SNTG1: variants seen among roughly 807,000 people sequenced by gnomAD.
SNTG1 encodes gamma-1-syntrophin.
Under a neutral mutation model 74.7 loss-of-function variants are expected in SNTG1, and 39 were observed. The ratio of observed to expected loss-of-function variants is 0.52; its 90% confidence interval spans 0.40 to 0.68. SNTG1 has a LOEUF of 0.68. Among genes scored for constraint, SNTG1 ranks in the 30% least tolerant of loss-of-function variants. The pLI is 0.00. For missense variants in SNTG1, 685 were observed against 609.5 expected (o/e 1.12, Z -1.30); for synonymous variants, 254 against 217.1 (o/e 1.17, Z -1.49).
At chr8:50,376,729 T>TTATATA (rs375978893) in intron 2 of SNTG1, among the ~76,000 whole-genome samples, 47 of 100,588 alleles carry the variant, frequency 4.7e-4, no homozygotes, top group African/African-American at 8.3e-4. Context: ...TATTAATAAA[T>TTATATA]TATATATATA....
At chr8:50,264,185 C>A (rs898494856) in intron 2 of SNTG1, among the ~76,000 whole-genome samples, 1 of 151,956 alleles carries the variant, frequency 6.6e-6, no homozygotes, top group Non-Finnish European at 1.5e-5. Context: ...GATAATGTAG[C>A]GTTTACAAAA....
chr8:50,146,892 T>A (rs931600268), intron 1 of SNTG1, among the ~76,000 whole-genome samples: 1 of 152,200 alleles, frequency 6.6e-6, no homozygotes, highest in Non-Finnish European at 1.5e-5. Context: ...GTTTTAAGAT[T>A]TTTTTATACA....
At chr8:50,289,711 A>G (rs532379742) in intron 2 of SNTG1, among the ~76,000 whole-genome samples, 1 of 152,282 alleles carries the variant, frequency 6.6e-6, no homozygotes, top group African/African-American at 2.4e-5. Flanking sequence ...TAAATGAACA[A>G]ATAATAAATG....
At chr8:50,484,092 C>A (rs2093763415) in intron 8 of SNTG1, among the ~76,000 whole-genome samples, 1 of 146,674 alleles carries the variant, frequency 6.8e-6, no homozygotes, top group Non-Finnish European at 1.5e-5. Flanking sequence ...TTCTTTCTCT[C>A]TTTCTTTCTC....
At chr8:50,029,004 T>C (rs1055444411) in intron 1 of SNTG1, among the ~76,000 whole-genome samples, 5 of 152,136 alleles carry the variant, frequency 3.3e-5, no homozygotes, top group African/African-American at 1.2e-4. Flanking sequence ...TTAATAATTC[T>C]TTATGTGTTG....
intron 8 of SNTG1, among the ~76,000 whole-genome samples, chr8:50,465,087 T>C (rs1295232506): frequency 6.6e-6 from 1 of 152,142 alleles, no homozygotes; most frequent in African/African-American, 2.4e-5. Flanking sequence ...TATCTATTCA[T>C]ACACATTTCT....
At chr8:50,169,944 A>G (rs995377382) in intron 1 of SNTG1, among the ~76,000 whole-genome samples, 1 of 152,168 alleles carries the variant, frequency 6.6e-6, no homozygotes, top group Non-Finnish European at 1.5e-5. Context: ...GTGGGACCCC[A>G]TGTGTAAAAT....
intron 1 of SNTG1, among the ~76,000 whole-genome samples, chr8:49,916,509 A>G (rs1397524344): frequency 1.3e-5 from 2 of 152,174 alleles, no homozygotes; most frequent in Non-Finnish European, 2.9e-5. Flanking sequence ...TGTAATGTAC[A>G]TACTTGAAGA....
chr8:49,945,826 C>G (rs1381767678), intron 1 of SNTG1, among the ~76,000 whole-genome samples: 1 of 152,182 alleles, frequency 6.6e-6, no homozygotes, highest in East Asian at 1.9e-4. Flanking sequence ...GGAGCAGGCC[C>G]GGACCCTTTG....
In SNTG1 at chr8:50,710,372, CTGAG is replaced by C. The variant is rs770620589; in HGVS notation, c.1284+1396_1284+1399del. Among the ~76,000 whole-genome samples the C allele has an allele frequency of 2.1e-3, 320 of 151,832 alleles. 1 individual carries two copies. The highest frequency in any genetic ancestry group is 0.017 in the Middle Eastern group (5 of 292). On this transcript the variant is annotated intron_variant, in intron 17 of 18. Transcript: ENST00000642720. ...ATGTTCATCAAATCAAGATAGGCTCCTGAGTATTAAATTAATTTGATAAATTAAT... is the reference window on the plus strand; with the variant it reads ...ATGTTCATCAAATCAAGATAGGCTCCTATTAAATTAATTTGATAAATTAAT...
intron 1 of SNTG1, among the ~76,000 whole-genome samples, chr8:50,073,292 C>G (rs1821536047): frequency 6.6e-6 from 1 of 152,158 alleles, no homozygotes; most frequent in Admixed American, 6.5e-5. Flanking sequence ...AGAAACCACA[C>G]TTTTTTGCTC....
chr8:50,180,364 A>G (rs2083157397), intron 2 of SNTG1, among the ~76,000 whole-genome samples: 1 of 152,066 alleles, frequency 6.6e-6, no homozygotes, highest in African/African-American at 2.4e-5. Context: ...CAGCATGAGG[A>G]CTCTAGTTCA....
At chr8:50,717,311 CT>C (rs2095477456) in intron 17 of SNTG1, among the ~76,000 whole-genome samples, 1 of 152,136 alleles carries the variant, frequency 6.6e-6, no homozygotes, top group African/African-American at 2.4e-5. Context: ...TGACTTCAAA[CT>C]TTTCTCATCG....
intron 1 of SNTG1, among the ~76,000 whole-genome samples, chr8:49,968,623 T>A (rs924391708): frequency 6.6e-6 from 1 of 152,176 alleles, no homozygotes; most frequent in Non-Finnish European, 1.5e-5. Flanking sequence ...AATATCAATT[T>A]GGGAGGATCA....
At chr8:50,249,526 G>A (rs1163013754) in intron 2 of SNTG1, among the ~76,000 whole-genome samples, 1 of 152,142 alleles carries the variant, frequency 6.6e-6, no homozygotes, top group East Asian at 1.9e-4. Flanking sequence ...CTTAACACAT[G>A]CACACCCACC....
chr8:49,937,408 A>T (rs183333308), intron 1 of SNTG1, among the ~76,000 whole-genome samples: 1 of 152,294 alleles, frequency 6.6e-6, no homozygotes, highest in East Asian at 1.9e-4. Flanking sequence ...ATGGTTTCGA[A>T]CTATACACTT....
intron 4 of SNTG1, among the ~76,000 whole-genome samples, chr8:50,422,028 T>C (rs1345852343): frequency 6.6e-6 from 1 of 152,072 alleles, no homozygotes; most frequent in Non-Finnish European, 1.5e-5. Context: ...TTTCAGACTT[T>C]TAAAAATGTC....
At chr8:50,179,348 G>T (rs1361484497) in intron 2 of SNTG1, among the ~76,000 whole-genome samples, 1 of 152,140 alleles carries the variant, frequency 6.6e-6, no homozygotes, top group Non-Finnish European at 1.5e-5. Context: ...AAATGCCATT[G>T]AAATTTTGAC....
chr8:50,611,630 A>G (rs1452750468), intron 13 of SNTG1, among the ~76,000 whole-genome samples: 2 of 152,190 alleles, frequency 1.3e-5, no homozygotes, highest in Non-Finnish European at 2.9e-5. Flanking sequence ...TACCCTTAAT[A>G]TGTTGAATAA....
Sources: allele counts gnomAD v4.1 joint callset (sites outside exome capture counted in the v4.1 genomes callset), GRCh38; gene constraint gnomAD v4.1.1; transcripts MANE v1.5; gene names NCBI Gene and HGNC (gene_info 2026-07-23, HGNC 2026-07-21).